The following AKAP19 variants were observed in gnomAD, a reference collection of about 807,000 sequenced individuals.
The protein encoded by AKAP19 is A-kinase anchoring protein 19, also known as small A-kinase anchoring protein.
At chr2:189,954,772 A>T in the AKAP19 span, among the ~76,000 whole-genome samples, 1 of 152,110 alleles carries the variant, frequency 6.6e-6, no homozygotes, top group African/African-American at 2.4e-5. Flanking sequence ...GACTTTTCTG[A>T]TATTCATTTA....
At chr2:189,961,349 G>C in the AKAP19 span, among the ~76,000 whole-genome samples, 1 of 152,128 alleles carries the variant, frequency 6.6e-6, no homozygotes, top group Non-Finnish European at 1.5e-5. Flanking sequence ...GCCAGACACT[G>C]CCAAATACAC....
the AKAP19 span, among the ~76,000 whole-genome samples, chr2:190,103,406 G>T: frequency 6.6e-6 from 1 of 152,324 alleles, no homozygotes; most frequent in African/African-American, 2.4e-5. Flanking sequence ...ACTATCTCTT[G>T]TTGCTGACCA....
chr2:189,896,608 A>G, the AKAP19 span, among the ~76,000 whole-genome samples: 9 of 152,180 alleles, frequency 5.9e-5, no homozygotes, highest in Non-Finnish European at 1.2e-4. Flanking sequence ...GTTTATATCA[A>G]TGCAAATGAT....
the AKAP19 span, among the ~76,000 whole-genome samples, chr2:190,054,182 T>C: frequency 1.3e-5 from 2 of 152,110 alleles, no homozygotes; most frequent in South Asian, 4.2e-4. Flanking sequence ...ATTTGGAAAT[T>C]GAACCTATGA....
the AKAP19 span, among the ~76,000 whole-genome samples, chr2:190,163,399 A>C: frequency 6.6e-6 from 1 of 151,222 alleles, no homozygotes. Context: ...GCGCCACTGC[A>C]CTCCAACCTG....
the AKAP19 span, among the ~76,000 whole-genome samples, chr2:189,975,144 C>T: frequency 6.6e-6 from 1 of 152,084 alleles, no homozygotes; most frequent in East Asian, 1.9e-4. Flanking sequence ...GTGTTTAGTT[C>T]TTCCTTCAGG....
chr2:190,088,477 A>G, the AKAP19 span, among the ~76,000 whole-genome samples: 1 of 152,204 alleles, frequency 6.6e-6, no homozygotes, highest in African/African-American at 2.4e-5. Context: ...AAAAGGACGT[A>G]AAAAGAATAT....
chr2:190,006,338 T>A, the AKAP19 span, among the ~76,000 whole-genome samples: 2 of 152,232 alleles, frequency 1.3e-5, no homozygotes, highest in African/African-American at 4.8e-5. Flanking sequence ...GATAATTCAG[T>A]GAGCAGCTAT....
chr2:190,105,060 A>G, the AKAP19 span, among the ~76,000 whole-genome samples: 2 of 152,234 alleles, frequency 1.3e-5, no homozygotes, highest in Non-Finnish European at 2.9e-5. Flanking sequence ...TAGTTCAGCC[A>G]CTGTGGAAAA....
At chr2:190,096,335 T>G in the AKAP19 span, among the ~76,000 whole-genome samples, 2 of 152,198 alleles carry the variant, frequency 1.3e-5, no homozygotes, top group Non-Finnish European at 2.9e-5. Flanking sequence ...AAGAAATGAT[T>G]ATTATGTGTA....
chr2:189,885,390 A>G, the AKAP19 span, among the ~76,000 whole-genome samples: 5,132 of 152,316 alleles, frequency 0.034, 122 homozygotes, highest in Non-Finnish European at 0.052. Context: ...GTGTGGAGAA[A>G]GAGATATTTG....
At chr2:189,967,259 G>A in the AKAP19 span, among the ~76,000 whole-genome samples, 1 of 152,160 alleles carries the variant, frequency 6.6e-6, no homozygotes, top group East Asian at 1.9e-4. Context: ...ATAGCAATGT[G>A]GACCATAGCC....
chr2:190,187,600 C>G, the AKAP19 span, among the ~76,000 whole-genome samples: 5 of 152,058 alleles, frequency 3.3e-5, no homozygotes, highest in Non-Finnish European at 5.9e-5. Flanking sequence ...TGGCTCACAC[C>G]TATCATCCCA....
chr2:190,025,258 T>G, the AKAP19 span, among the ~76,000 whole-genome samples: 1 of 152,162 alleles, frequency 6.6e-6, no homozygotes, highest in African/African-American at 2.4e-5. Flanking sequence ...ACACAATTTG[T>G]TACAGGATAA....
the AKAP19 span, among the ~76,000 whole-genome samples, chr2:190,009,441 A>T: frequency 5.3e-5 from 8 of 152,172 alleles, no homozygotes; most frequent in Non-Finnish European, 1.0e-4. Flanking sequence ...GATATATTGG[A>T]TGTGCTATTG....
the AKAP19 span, among the ~76,000 whole-genome samples, chr2:189,980,039 C>T: frequency 6.6e-6 from 1 of 152,112 alleles, no homozygotes; most frequent in African/African-American, 2.4e-5. Context: ...AACTATCATT[C>T]AACCCAGCAA....
the AKAP19 span, chr2:190,199,755 G>A: frequency 6.6e-7 from 1 of 1,526,176 alleles, no homozygotes; most frequent in Non-Finnish European, 8.8e-7. Flanking sequence ...GTGCCCTGGA[G>A]AGGGAAAGCA....
chr2:189,997,170 G>A, the AKAP19 span, among the ~76,000 whole-genome samples: 1 of 152,206 alleles, frequency 6.6e-6, no homozygotes, highest in Non-Finnish European at 1.5e-5. Flanking sequence ...TCCTTCTTTG[G>A]AGCAGGATTA....
chr2:190,000,257 A>G, the AKAP19 span, among the ~76,000 whole-genome samples: 1 of 152,216 alleles, frequency 6.6e-6, no homozygotes, highest in Non-Finnish European at 1.5e-5. Context: ...TCCTGTGACC[A>G]ACCATTTCAG....
Sources: gnomAD v4.1 joint callset for allele counts (sites outside exome capture counted in the v4.1 genomes callset) on GRCh38, gnomAD v4.1.1 for gene constraint, MANE v1.5 for transcripts, NCBI Gene and HGNC (gene_info 2026-07-23, HGNC 2026-07-21) for gene names.